ASIC2: variants seen among roughly 807,000 people sequenced by gnomAD.
The protein encoded by ASIC2 is acid-sensing ion channel 2.
ASIC2 carries 25 observed loss-of-function variants against 57.3 expected under a neutral mutation model. The ratio of observed to expected loss-of-function variants is 0.44; its 90% confidence interval spans 0.32 to 0.61. The LOEUF is 0.61. Among genes scored for constraint, ASIC2 ranks in the 20% least tolerant of loss-of-function variants. The pLI is 0.06. For missense variants in ASIC2, 641 were observed against 738.1 expected (o/e 0.87, Z 1.52); for synonymous variants, 319 against 307.5 (o/e 1.04, Z -0.39).
intron 1 of ASIC2, among the ~76,000 whole-genome samples, chr17:33,764,186 G>A (rs142849904): frequency 2.6e-5 from 4 of 152,120 alleles, no homozygotes; most frequent in Non-Finnish European, 4.4e-5. Flanking sequence ...GCATGGTGGC[G>A]GGCACCTGTA....
chr17:33,929,834 A>C lies in ASIC2; in HGVS notation c.555+226144T>G, dbSNP rs115687159. On this transcript the variant is annotated intron_variant, in intron 1 of 9. Coordinates refer to the ASIC2 transcript ENST00000359872. ...TGCCTGTATTATTACAAAGCTTGGGAAGTAGAAAATATACGATAAAAGGCT... is the reference window on the plus strand; with the variant it reads ...TGCCTGTATTATTACAAAGCTTGGGCAGTAGAAAATATACGATAAAAGGCT... Among the ~76,000 whole-genome samples, 982 of 152,304 alleles carry C rather than the reference A, an allele frequency of 6.4e-3. 11 individuals are homozygous for C. The highest frequency in any genetic ancestry group is 0.023 in the African/African-American group (946 of 41,558).
rs192114803 is a variant in ASIC2 at position 33,603,709 on chromosome 17, A to T, written c.556-491642T>A. Among the ~76,000 whole-genome samples, 11 of 152,350 alleles carry T rather than the reference A, an allele frequency of 7.2e-5. No homozygotes were observed. In the East Asian group the frequency reaches 1.2e-3, roughly 16 times the overall value. On this transcript the variant is annotated intron_variant, in intron 1 of 9. Coordinates refer to the ASIC2 transcript ENST00000359872. ...GGACTGACCCATCTATATGAGTTAC[A>T]TATTAGTTAAAGTAGTATTAACTGC...
chr17:33,250,614 G>C (rs1908848534), intron 1 of ASIC2, among the ~76,000 whole-genome samples: 1 of 152,220 alleles, frequency 6.6e-6, no homozygotes, highest in Non-Finnish European at 1.5e-5. Flanking sequence ...AAGATGAGTG[G>C]TTTGAACCAC....
chr17:33,317,435 T>G (rs1440914726), intron 1 of ASIC2, among the ~76,000 whole-genome samples: 1 of 152,246 alleles, frequency 6.6e-6, no homozygotes, highest in Non-Finnish European at 1.5e-5. Context: ...TCCTAATAGA[T>G]GTCTTTGAGC....
At chr17:33,642,358 G>A (rs1352492727) in intron 1 of ASIC2, among the ~76,000 whole-genome samples, 5 of 152,278 alleles carry the variant, frequency 3.3e-5, no homozygotes, top group South Asian at 2.1e-4. Flanking sequence ...AGCTGACACT[G>A]GCCTGAGTTT....
intron 1 of ASIC2, among the ~76,000 whole-genome samples, chr17:33,435,923 A>G (rs1911593745): frequency 6.6e-6 from 1 of 152,248 alleles, no homozygotes; most frequent in Admixed American, 6.5e-5. Flanking sequence ...GAATGTGCTG[A>G]GCTGCACCAC....
intron 1 of ASIC2, among the ~76,000 whole-genome samples, chr17:33,658,323 T>C (rs902039018): frequency 1.3e-5 from 2 of 152,110 alleles, no homozygotes; most frequent in African/African-American, 4.8e-5. Flanking sequence ...TTTTGGCCAA[T>C]GGGGAAAGTT....
Position 33,888,215 on chromosome 17 carries a change from A to T in ASIC2, c.555+267763T>A, listed in dbSNP as rs149333726. ...TGAGAGTACAGAGACAGACCACCTA[A>T]CCCAGCTTATTGGGGAGGTCAGGGA... is the stretch of plus-strand genomic sequence containing the variant. On this transcript the variant is annotated intron_variant, in intron 1 of 9. Coordinates refer to the ASIC2 transcript ENST00000359872. Among the ~76,000 whole-genome samples, 20 of 152,232 alleles carry T rather than the reference A, an allele frequency of 1.3e-4. 2 individuals carry two copies. The highest frequency in any genetic ancestry group is 4.8e-4 in the African/African-American group (20 of 41,530).
chr17:33,045,639 AT>A (rs2091950958), intron 3 of ASIC2, among the ~76,000 whole-genome samples: 1 of 152,024 alleles, frequency 6.6e-6, no homozygotes, highest in African/African-American at 2.4e-5. Context: ...GGCCAGGGTC[AT>A]GGCGGGGGCC....
At chr17:33,186,038 C>T (rs1906179582) in intron 1 of ASIC2, among the ~76,000 whole-genome samples, 2 of 152,118 alleles carry the variant, frequency 1.3e-5, no homozygotes, top group Non-Finnish European at 1.5e-5. Flanking sequence ...AAAGTAATTG[C>T]GGTTTTTGCA....
At chr17:33,740,967 A>C (rs906389818) in intron 1 of ASIC2, among the ~76,000 whole-genome samples, 3 of 152,168 alleles carry the variant, frequency 2.0e-5, no homozygotes, top group African/African-American at 4.8e-5. Context: ...AGATCCCTTC[A>C]ACACCTTAAG....
At chr17:34,143,287 C>T (rs142203603) in intron 1 of ASIC2, among the ~76,000 whole-genome samples, 5 of 152,296 alleles carry the variant, frequency 3.3e-5, no homozygotes, top group Admixed American at 3.3e-4. Flanking sequence ...CTATGTTCAA[C>T]TGTGAAATAG....
intron 1 of ASIC2, among the ~76,000 whole-genome samples, chr17:33,391,873 A>AT (rs1422618189): frequency 1.6e-4 from 25 of 152,222 alleles, no homozygotes; most frequent in Non-Finnish European, 2.6e-4. Flanking sequence ...TAATAATCAC[A>AT]TTTTGTAGAT....
intron 3 of ASIC2, among the ~76,000 whole-genome samples, chr17:33,081,986 G>C (rs1483834868): frequency 6.6e-6 from 1 of 152,190 alleles, no homozygotes; most frequent in Non-Finnish European, 1.5e-5. Context: ...GCAAGGTGTT[G>C]TGTGATGGTA....
intron 1 of ASIC2, among the ~76,000 whole-genome samples, chr17:33,483,517 C>A (rs1010678535): frequency 2.6e-5 from 4 of 152,224 alleles, no homozygotes; most frequent in African/African-American, 9.6e-5. Flanking sequence ...CGAGGTTTCT[C>A]CCCATTGTGG....
intron 1 of ASIC2, among the ~76,000 whole-genome samples, chr17:33,688,094 T>A (rs957817430): frequency 6.6e-6 from 1 of 152,170 alleles, no homozygotes; most frequent in Non-Finnish European, 1.5e-5. Flanking sequence ...AATGTGTGTG[T>A]TGGGGGTGGC....
chr17:33,590,920 C>T (rs1014678193), intron 1 of ASIC2, among the ~76,000 whole-genome samples: 9 of 152,168 alleles, frequency 5.9e-5, no homozygotes, highest in African/African-American at 1.9e-4. Flanking sequence ...ACCATAGGTA[C>T]TCAGGAACAG....
At chr17:33,139,628 T>A (rs979913784) in intron 1 of ASIC2, among the ~76,000 whole-genome samples, 1 of 152,168 alleles carries the variant, frequency 6.6e-6, no homozygotes, top group Non-Finnish European at 1.5e-5. Flanking sequence ...GGTTTGTTGC[T>A]GATGCTGCCA....
At chr17:33,669,907 G>A (rs906173897) in intron 1 of ASIC2, among the ~76,000 whole-genome samples, 4 of 152,174 alleles carry the variant, frequency 2.6e-5, no homozygotes, top group African/African-American at 7.2e-5. Flanking sequence ...GAAAGTTAGC[G>A]AGAGGACAGA....
Sources: allele counts gnomAD v4.1 joint callset (sites outside exome capture counted in the v4.1 genomes callset), GRCh38; gene constraint gnomAD v4.1.1; transcripts MANE v1.5; gene names NCBI Gene and HGNC (gene_info 2026-07-23, HGNC 2026-07-21).